Variants in PCTP observed in about 807,000 individuals in gnomAD.
The protein encoded by PCTP is START domain-containing protein 2.
PCTP carries 27 observed loss-of-function variants against 31.0 expected under a neutral mutation model. That is an observed-to-expected ratio of 0.87 (90% CI 0.64 to 1.20). The LOEUF is 1.20. Ranked by LOEUF, PCTP falls within the 50% of genes most tolerant of loss-of-function variation. The pLI, the probability that PCTP is intolerant of heterozygous loss-of-function variation, is 0.00. For missense variants in PCTP, 287 were observed against 268.2 expected, an observed-to-expected ratio of 1.07 and a Z score of -0.49; for synonymous variants, 108 against 101.2, an observed-to-expected ratio of 1.07 and a Z score of -0.40.
intron 1 of PCTP, among the ~76,000 whole-genome samples, chr17:55,766,466 G>A (rs1473144118): frequency 1.5e-5 from 2 of 132,040 alleles, no homozygotes; most frequent in African/African-American, 6.0e-5. Context: ...CTGTGTCCAT[G>A]TGTTCTCATT....
rs1166193886 is a variant in PCTP at position 55,767,924 on chromosome 17, C to T, written c.259+472C>T. Reference sequence around the variant, plus strand: ...CCTGGCCAACATGGTGAAATCCCGTCTCTACTAAAAATACAAAACTTAGCT... The same window carrying T: ...CCTGGCCAACATGGTGAAATCCCGTTTCTACTAAAAATACAAAACTTAGCT... On this transcript the variant is annotated intron_variant, in intron 2 of 5. Coordinates refer to ENST00000268896, the MANE Select transcript of PCTP (RefSeq NM_021213.4). 4.0e-5 allele frequency among the ~76,000 whole-genome samples: 6 copies of T among 151,880 alleles called. No homozygotes were observed. In the East Asian group the frequency reaches 1.2e-3, roughly 30 times the overall value.
At chr17:55,848,608 G>C in the PCTP span, among the ~76,000 whole-genome samples, 3 of 152,098 alleles carry the variant, frequency 2.0e-5, no homozygotes, top group Non-Finnish European at 4.4e-5. Context: ...GGCAGTGAAG[G>C]CAGGACCAAA....
intron 3 of PCTP, among the ~76,000 whole-genome samples, chr17:55,796,259 G>A (rs747772602): frequency 1.3e-5 from 2 of 151,970 alleles, no homozygotes; most frequent in Non-Finnish European, 2.9e-5. Flanking sequence ...AGTTTATTTT[G>A]TAAGCAAGAA....
intron 5 of PCTP, among the ~76,000 whole-genome samples, chr17:55,828,511 A>G (rs1567732755): frequency 6.6e-6 from 1 of 152,178 alleles, no homozygotes; most frequent in Non-Finnish European, 1.5e-5. Context: ...GTCTATTTCC[A>G]AATCTCCTCT....
chr17:55,778,834 C>T (rs558402804), downstream of PCTP, among the ~76,000 whole-genome samples: 6 of 152,236 alleles, frequency 3.9e-5, no homozygotes, highest in African/African-American at 1.4e-4. Flanking sequence ...TAAATTTTTT[C>T]CACAGGCAAA....
Position 55,835,553 on chromosome 17 carries a change from G to A in PCTP, n.506-7174G>A, listed in dbSNP as rs150530441. ...TAGCCAGTTTCAAATTATTCCCATT[G>A]CAAGGGATAGAAACTTAAATATGGA... On this transcript the variant is annotated intron_variant and non_coding_transcript_variant, in intron 5 of 5. Coordinates refer to the PCTP transcript ENST00000576221. Among the ~76,000 whole-genome samples, 11 of 152,242 alleles carry A rather than the reference G, an allele frequency of 7.2e-5. No individual in the cohort carries two copies. In the East Asian group the frequency reaches 2.1e-3, roughly 29 times the overall value.
At chr17:55,782,261 TTAATC>T (rs1235098176), downstream of PCTP, among the ~76,000 whole-genome samples, 2 of 152,158 alleles carry the variant, frequency 1.3e-5, no homozygotes, top group Middle Eastern at 3.2e-3. Context: ...AATTCAAACA[TTAATC>T]TTATCCTCAA....
intron 3 of PCTP, among the ~76,000 whole-genome samples, chr17:55,810,430 A>T (rs1370817516): frequency 6.6e-6 from 1 of 152,124 alleles, no homozygotes; most frequent in African/African-American, 2.4e-5. Flanking sequence ...CTACCTATAA[A>T]ATCTAGAGCC....
At chr17:55,751,592 G>GT in intron 1 of PCTP, 1 of 998,404 alleles carries the variant, frequency 1.0e-6, no homozygotes, top group African/African-American at 1.7e-5. Flanking sequence ...TCTCCAATGC[G>GT]TGTCAGTGGC....
At chr17:55,826,135 GT>G (rs972665274), downstream of PCTP, among the ~76,000 whole-genome samples, 3 of 152,186 alleles carry the variant, frequency 2.0e-5, no homozygotes, top group Admixed American at 6.5e-5. Context: ...CATCTGAGGA[GT>G]TTTTTTGTGG....
chr17:55,767,053 A>T (rs1054738483), intron 1 of PCTP, among the ~76,000 whole-genome samples: 7 of 152,200 alleles, frequency 4.6e-5, no homozygotes, highest in Admixed American at 6.5e-5. Context: ...GGCTGCATAA[A>T]TGTCTTCTTT....
Position 55,776,681 on chromosome 17 carries a change from C to T in PCTP, c.*581C>T. The T allele has an allele frequency of 8.2e-7, 1 of 1,223,984 alleles. No individual in the cohort carries two copies. The allele number at this position is 1,223,984 out of a possible 1,614,324, so 75.8% of individuals were successfully genotyped here. A position where few individuals can be genotyped will look rare whatever the true frequency, so the allele number is the denominator to read the frequency against. ...TTAGGCTGGGATTTGAGGTGATAAT[C>T]CAGTAAGTCTTTCCTCGTTCCTACT... is the stretch of plus-strand genomic sequence containing the variant. On this transcript the variant is annotated 3_prime_UTR_variant, in exon 6 of 6. Transcript: ENST00000268896.
chr17:55,765,550 C>G (rs141879579), intron 1 of PCTP, among the ~76,000 whole-genome samples: 84 of 152,328 alleles, frequency 5.5e-4, no homozygotes, highest in African/African-American at 1.9e-3. Context: ...TGTTACTTCC[C>G]TGTTCAAATC....
At position 55,834,536 on chromosome 17, in the gene PCTP, A is replaced by G. The variant is rs1010671338; in HGVS notation, n.506-8191A>G. Among the ~76,000 whole-genome samples, 6 of 152,294 alleles carry G rather than the reference A, an allele frequency of 3.9e-5. No individual in the cohort carries two copies. The Middle Eastern group carries it at 0.01, about 259-fold the overall frequency. ...CCAGTCTCAATTCCAAGTTCCTAGAAGGGGATTTTAGCTTAGGAAGGATCA... is the reference window on the plus strand; with the variant it reads ...CCAGTCTCAATTCCAAGTTCCTAGAGGGGGATTTTAGCTTAGGAAGGATCA... On this transcript the variant is annotated intron_variant and non_coding_transcript_variant, in intron 5 of 5. Coordinates refer to the PCTP transcript ENST00000576221.
At chr17:55,803,604 T>C (rs979496609) in intron 3 of PCTP, among the ~76,000 whole-genome samples, 3 of 152,074 alleles carry the variant, frequency 2.0e-5, no homozygotes, top group African/African-American at 7.2e-5. Flanking sequence ...AAACAAGCAA[T>C]GGGGAAAGGA....
intron 5 of PCTP, among the ~76,000 whole-genome samples, chr17:55,839,643 G>A (rs1045115176): frequency 2.0e-5 from 3 of 152,262 alleles, no homozygotes; most frequent in East Asian, 3.9e-4. Flanking sequence ...ACAACTGGCC[G>A]GGCGCGGTGG....
intron 3 of PCTP, among the ~76,000 whole-genome samples, chr17:55,789,859 A>G (rs143839264): frequency 0.026 from 4,011 of 152,272 alleles, 87 homozygotes; most frequent in Middle Eastern, 0.044. Flanking sequence ...AAAAAAGAGA[A>G]TTTTAGACCA....
rs747514969 is a variant in PCTP, at chr17:55,771,149, G to T, written c.303G>T (p.Trp101Cys). The change falls in exon 3 of 6, where the codon TGG (tryptophan) becomes TGT (cysteine). Residue 101 changes from tryptophan to cysteine, a missense_variant. Trp to Cys is a radical substitution (Grantham distance 215). Transcript: ENST00000268896. Reference sequence around the variant, plus strand: ...GCAACGGAGAGACTGTGGTCTACTGGGAAGTGAAGTACCCTTTTCCCATGT... The same window carrying T: ...GCAACGGAGAGACTGTGGTCTACTGTGAAGTGAAGTACCCTTTTCCCATGT... ...QECNGETVVY[W>C]EVKYPFPMSN... is the part of the protein sequence containing the mutation. 3.1e-6 allele frequency: 5 copies of T among 1,613,262 alleles called. No homozygotes were observed. Among genetic ancestry groups the T allele is most frequent in the Non-Finnish European group, 4.2e-6 (5 of 1,179,358 alleles).
intron 3 of PCTP, among the ~76,000 whole-genome samples, chr17:55,808,452 A>G (rs544153787): frequency 2.6e-5 from 4 of 152,352 alleles, no homozygotes; most frequent in East Asian, 1.9e-4. Flanking sequence ...CAAAGATCCA[A>G]TAACTTAACC....
Sources: allele counts gnomAD v4.1 joint callset (sites outside exome capture counted in the v4.1 genomes callset), GRCh38; gene constraint gnomAD v4.1.1; transcripts MANE v1.5; gene names NCBI Gene and HGNC (gene_info 2026-07-23, HGNC 2026-07-21).